Variants in CNTNAP2 observed in about 807,000 individuals in gnomAD.
CNTNAP2 encodes contactin-associated protein-like 2.
Under a neutral mutation model 155.2 loss-of-function variants are expected in CNTNAP2, and 98 were observed. The observed-to-expected ratio is 0.63, with a 90% CI of 0.54 to 0.75. CNTNAP2 has a LOEUF of 0.75. CNTNAP2 is among the 30% of genes least tolerant of loss of function. The pLI is 0.00. For synonymous variants in CNTNAP2, 651 were observed against 631.2 expected (o/e 1.03, Z -0.47); for missense variants, 1,727 against 1,688.1 (o/e 1.02, Z -0.40).
chr7:148,394,822 A>C (rs1799430803), intron 22 of CNTNAP2, among the ~76,000 whole-genome samples: 1 of 152,074 alleles, frequency 6.6e-6, no homozygotes. Flanking sequence ...CAAGGAGATA[A>C]GCAGCCTTGA....
chr7:146,248,725 T>C (rs1194730120), intron 1 of CNTNAP2, among the ~76,000 whole-genome samples: 1 of 152,160 alleles, frequency 6.6e-6, no homozygotes, highest in East Asian at 1.9e-4. Flanking sequence ...CCTGAGGTCG[T>C]ACGTGGATCT....
intron 3 of CNTNAP2, among the ~76,000 whole-genome samples, chr7:146,990,010 A>G (rs1363967130): frequency 6.6e-6 from 1 of 152,118 alleles, no homozygotes; most frequent in Non-Finnish European, 1.5e-5. Flanking sequence ...TCATATTTAC[A>G]GGGATATTAT....
intron 1 of CNTNAP2, among the ~76,000 whole-genome samples, chr7:146,180,960 T>C (rs1031169410): frequency 1.3e-5 from 2 of 152,166 alleles, no homozygotes; most frequent in Non-Finnish European, 2.9e-5. Flanking sequence ...TATCATATGC[T>C]ACTGGTTTTC....
At chr7:148,142,593 T>G (rs982198849) in intron 16 of CNTNAP2, among the ~76,000 whole-genome samples, 5 of 152,200 alleles carry the variant, frequency 3.3e-5, no homozygotes, top group African/African-American at 1.2e-4. Flanking sequence ...CTAAACAGTG[T>G]TAGCTGGTCT....
At chr7:147,282,974 C>A (rs760998042) in intron 8 of CNTNAP2, among the ~76,000 whole-genome samples, 13 of 151,868 alleles carry the variant, frequency 8.6e-5, no homozygotes, top group Non-Finnish European at 1.8e-4. Flanking sequence ...GTCCTGAAGT[C>A]ACCTTCAAAA....
chr7:146,872,689 T>C (rs959162924), intron 3 of CNTNAP2, among the ~76,000 whole-genome samples: 1 of 152,222 alleles, frequency 6.6e-6, no homozygotes, highest in South Asian at 2.1e-4. Context: ...GTCAAACACA[T>C]TGTATACACA....
intron 4 of CNTNAP2, among the ~76,000 whole-genome samples, chr7:147,103,577 C>A: frequency 6.6e-6 from 1 of 151,838 alleles, no homozygotes; most frequent in East Asian, 1.9e-4. Flanking sequence ...TTTTTAGATT[C>A]ATATGCTTTA....
chr7:147,009,586 T>C (rs1252531739), intron 3 of CNTNAP2, among the ~76,000 whole-genome samples: 1 of 152,162 alleles, frequency 6.6e-6, no homozygotes, highest in East Asian at 1.9e-4. Flanking sequence ...TGCAATTCAA[T>C]TGAATGAAAG....
chr7:146,615,912 C>T (rs370341588), intron 1 of CNTNAP2, among the ~76,000 whole-genome samples: 6 of 152,176 alleles, frequency 3.9e-5, no homozygotes, highest in African/African-American at 1.4e-4. Context: ...CAGTGCTTCC[C>T]TTGGAACATC....
At chr7:147,096,337 T>C (rs866444778) in intron 4 of CNTNAP2, among the ~76,000 whole-genome samples, 1 of 152,178 alleles carries the variant, frequency 6.6e-6, no homozygotes, top group Non-Finnish European at 1.5e-5. Flanking sequence ...TCCTTGAAAA[T>C]GTATTGTTTG....
At chr7:146,751,338 A>C (rs1801900219) in intron 1 of CNTNAP2, among the ~76,000 whole-genome samples, 1 of 152,176 alleles carries the variant, frequency 6.6e-6, no homozygotes, top group Admixed American at 6.5e-5. Context: ...ATATAATTAC[A>C]TATCACTATA....
chr7:146,195,159 C>T (rs550571513), intron 1 of CNTNAP2: 2 of 152,286 alleles, frequency 1.3e-5, no homozygotes, highest in East Asian at 3.9e-4. Flanking sequence ...GATAAAACTT[C>T]CTTTGCTTGC....
chr7:146,476,482 C>A (rs1010604199), intron 1 of CNTNAP2, among the ~76,000 whole-genome samples: 1 of 151,868 alleles, frequency 6.6e-6, no homozygotes, highest in Non-Finnish European at 1.5e-5. Context: ...TTTTTTATTT[C>A]TTTTTTGTGT....
chr7:148,099,030 A>G (rs59097327), intron 15 of CNTNAP2, among the ~76,000 whole-genome samples: 12,913 of 152,260 alleles, frequency 0.085, 898 homozygotes, highest in African/African-American at 0.19. Context: ...AGCCGGGGAC[A>G]GTGAGAGGAA....
At chr7:148,397,780 G>A (rs1198359088) in intron 22 of CNTNAP2, among the ~76,000 whole-genome samples, 3 of 152,236 alleles carry the variant, frequency 2.0e-5, no homozygotes, top group African/African-American at 7.2e-5. Context: ...GAGGAATGGT[G>A]TGGGGAACCA....
intron 15 of CNTNAP2, among the ~76,000 whole-genome samples, chr7:148,038,002 C>T (rs12703992): frequency 0.36 from 54,292 of 151,926 alleles, 10,413 homozygotes; most frequent in East Asian, 0.75. Context: ...AACATATTTC[C>T]CATGGATAAG....
intron 19 of CNTNAP2, among the ~76,000 whole-genome samples, chr7:148,218,797 T>C (rs1234489798): frequency 1.3e-5 from 2 of 152,070 alleles, no homozygotes; most frequent in East Asian, 1.9e-4. Context: ...GAGGAGAATA[T>C]GCAAATGGGC....
chr7:146,558,818 C>A (rs1019334018), intron 1 of CNTNAP2, among the ~76,000 whole-genome samples: 1 of 152,214 alleles, frequency 6.6e-6, no homozygotes, highest in Non-Finnish European at 1.5e-5. Flanking sequence ...CTATTAACTA[C>A]TTCAGATTCA....
chr7:146,602,387 T>A (rs552900849), intron 1 of CNTNAP2, among the ~76,000 whole-genome samples: 1 of 152,270 alleles, frequency 6.6e-6, no homozygotes, highest in Admixed American at 6.5e-5. Context: ...GCAATAGGTG[T>A]TTATTCATAC....
Sources: gnomAD v4.1 joint callset for allele counts (sites outside exome capture counted in the v4.1 genomes callset) on GRCh38, gnomAD v4.1.1 for gene constraint, MANE v1.5 for transcripts, NCBI Gene and HGNC (gene_info 2026-07-23, HGNC 2026-07-21) for gene names.